UNC5D: variants seen among roughly 807,000 people sequenced by gnomAD.
UNC5D encodes the protein netrin receptor UNC5D.
Under a neutral mutation model 105.4 loss-of-function variants are expected in UNC5D, and 39 were observed. That is an observed-to-expected ratio of 0.37 (90% CI 0.29 to 0.48). UNC5D has a LOEUF of 0.48. Among genes scored for constraint, UNC5D ranks in the 20% least tolerant of loss-of-function variants. The probability of loss-of-function intolerance (pLI) is 0.98; values close to 1 mark genes in which losing one functional copy is unlikely to be tolerated. For synonymous variants in UNC5D, 452 were observed against 450.4 expected (o/e 1.00, Z -0.04); for missense variants, 991 against 1,202.4 (o/e 0.82, Z 2.60).
intron 3 of UNC5D, among the ~76,000 whole-genome samples, chr8:35,584,872 C>T (rs1818685874): frequency 6.6e-6 from 1 of 152,062 alleles, no homozygotes; most frequent in Non-Finnish European, 1.5e-5. Context: ...CTAAACTCAT[C>T]GTTAAGATTT....
intron 1 of UNC5D, among the ~76,000 whole-genome samples, chr8:35,395,651 C>T (rs1037781717): frequency 6.6e-6 from 1 of 152,214 alleles, no homozygotes; most frequent in African/African-American, 2.4e-5. Flanking sequence ...GAACTCACTT[C>T]TCTGTGTTTA....
At chr8:35,442,904 TCACACACACACACACA>T (rs373759766) in intron 1 of UNC5D, among the ~76,000 whole-genome samples, 31 of 141,358 alleles carry the variant, frequency 2.2e-4, no homozygotes, top group Admixed American at 3.5e-4. Context: ...TCTCTCTCTC[TCACACACACACACACA>T]CACACACACA....
chr8:35,410,825 C>T (rs948481388), intron 1 of UNC5D, among the ~76,000 whole-genome samples: 9 of 152,096 alleles, frequency 5.9e-5, no homozygotes, highest in Non-Finnish European at 1.2e-4. Context: ...ATTCTTAGGA[C>T]AAAGCTCCAA....
intron 1 of UNC5D, among the ~76,000 whole-genome samples, chr8:35,399,808 A>G (rs536858951): frequency 6.6e-6 from 1 of 152,224 alleles, no homozygotes; most frequent in East Asian, 1.9e-4. Context: ...ATCCTCAACT[A>G]TAAGGATGAA....
chr8:35,542,611 T>C (rs1815360481), intron 1 of UNC5D, among the ~76,000 whole-genome samples: 1 of 152,226 alleles, frequency 6.6e-6, no homozygotes. Context: ...CTTTGCAAGA[T>C]AGCTATGTGC....
intron 1 of UNC5D, among the ~76,000 whole-genome samples, chr8:35,520,791 A>AT (rs1447867363): frequency 6.6e-6 from 1 of 152,156 alleles, no homozygotes; most frequent in Non-Finnish European, 1.5e-5. Context: ...CATGAGGTTC[A>AT]TTATAGAACC....
chr8:35,492,671 G>C (rs1046125105), intron 1 of UNC5D, among the ~76,000 whole-genome samples: 1 of 152,068 alleles, frequency 6.6e-6, no homozygotes, highest in Non-Finnish European at 1.5e-5. Context: ...AGATGGTTGA[G>C]GCTTAAATGG....
At chr8:35,343,500 A>T (rs1330265174) in intron 1 of UNC5D, among the ~76,000 whole-genome samples, 1 of 151,884 alleles carries the variant, frequency 6.6e-6, no homozygotes, top group African/African-American at 2.4e-5. Flanking sequence ...TATCTTTTTT[A>T]TTGAGGTTTT....
chr8:35,336,488 C>G (rs150794621), intron 1 of UNC5D, among the ~76,000 whole-genome samples: 1 of 152,052 alleles, frequency 6.6e-6, no homozygotes, highest in Non-Finnish European at 1.5e-5. Flanking sequence ...TTTAAAAGTG[C>G]GTTTGTGCTT....
At chr8:35,595,410 T>C in intron 3 of UNC5D, 144 bp from the exon 4 acceptor site, 2 of 681,418 alleles carry the variant, frequency 2.9e-6, no homozygotes, top group Non-Finnish European at 5.1e-6. Flanking sequence ...GATTCTCTTA[T>C]TCTAGAATTC....
chr8:35,282,280 C>A (rs1806242739), intron 1 of UNC5D, among the ~76,000 whole-genome samples: 1 of 152,082 alleles, frequency 6.6e-6, no homozygotes, highest in Admixed American at 6.6e-5. Context: ...AATTTCTTGT[C>A]CTCATTTTCC....
chr8:35,573,770 T>G (rs892079594), intron 3 of UNC5D, among the ~76,000 whole-genome samples: 2 of 152,220 alleles, frequency 1.3e-5, no homozygotes, highest in African/African-American at 4.8e-5. Context: ...CACATTTTGT[T>G]TTAGGAGCCA....
chr8:35,681,821 T>C (rs1156802400), intron 4 of UNC5D, among the ~76,000 whole-genome samples: 2 of 152,224 alleles, frequency 1.3e-5, no homozygotes, highest in Non-Finnish European at 2.9e-5. Flanking sequence ...TGGTGATGAT[T>C]TGGGATATTT....
At chr8:35,708,953 T>C (rs1425163995) in intron 8 of UNC5D, among the ~76,000 whole-genome samples, 1 of 152,170 alleles carries the variant, frequency 6.6e-6, no homozygotes, top group East Asian at 1.9e-4. Flanking sequence ...GGGAACAGTA[T>C]ACCATCAACT....
Position 35,796,136 on chromosome 8 carries a change from C to T in UNC5D, c.*5573C>T, listed in dbSNP as rs1803243152. Reference sequence around the variant, plus strand: ...AAAAATAAAATAAAATAAAGCAGGGCTGAACACTTAATTTGACATGAAGCT... The same window carrying T: ...AAAAATAAAATAAAATAAAGCAGGGTTGAACACTTAATTTGACATGAAGCT... On this transcript the variant is annotated 3_prime_UTR_variant, in exon 17 of 17. Transcript: ENST00000404895. 6.6e-6 allele frequency: 1 copy of T among 152,042 alleles called. No homozygotes were observed. The highest frequency in any genetic ancestry group is 2.4e-5 in the African/African-American group (1 of 41,392). The allele number at this position is 152,042 out of a possible 1,614,324, so 9.4% of individuals were successfully genotyped here.
rs1440770503 is a variant in UNC5D, at chr8:35,793,555, A to G, written c.*2992A>G. ...ATCTTTCAGTCCTCAAAGGCATTTA[A>G]GTCCAATAGTCATGCTTTAAATATG... On this transcript the variant is annotated 3_prime_UTR_variant, in exon 17 of 17. Coordinates refer to ENST00000404895, the MANE Select transcript of UNC5D (RefSeq NM_080872.4). 1 of 156,204 alleles carries G rather than the reference A, an allele frequency of 6.4e-6. No individual in the cohort carries two copies. The highest frequency in any genetic ancestry group is 1.9e-4 in the East Asian group (1 of 5,286). The allele number at this position is 156,204 out of a possible 1,614,324, so 9.7% of individuals were successfully genotyped here.
chr8:35,469,913 G>T (rs1464851652), intron 1 of UNC5D, among the ~76,000 whole-genome samples: 1 of 152,162 alleles, frequency 6.6e-6, no homozygotes, highest in Non-Finnish European at 1.5e-5. Flanking sequence ...TGAAGGAAAG[G>T]ACACTGGAAC....
intron 1 of UNC5D, among the ~76,000 whole-genome samples, chr8:35,253,683 G>A (rs1207474478): frequency 6.6e-6 from 1 of 151,644 alleles, no homozygotes; most frequent in Admixed American, 6.6e-5. Context: ...TAGAGATGGG[G>A]TTCCACCATG....
chr8:35,680,772 A>G (rs1331793176), intron 4 of UNC5D, among the ~76,000 whole-genome samples: 1 of 152,156 alleles, frequency 6.6e-6, no homozygotes, highest in Non-Finnish European at 1.5e-5. Flanking sequence ...CCACAGGGCT[A>G]TCTACTTGGT....
Sources: gnomAD v4.1 joint callset for allele counts (sites outside exome capture counted in the v4.1 genomes callset) on GRCh38, gnomAD v4.1.1 for gene constraint, MANE v1.5 for transcripts, NCBI Gene and HGNC (gene_info 2026-07-23, HGNC 2026-07-21) for gene names.